The following AMPH variants were observed in gnomAD, a reference collection of about 807,000 sequenced individuals.
The protein encoded by AMPH is amphiphysin, also known as amphiphysin (Stiff-Mann syndrome with breast cancer 128kD autoantigen).
In AMPH, 49 loss-of-function variants were observed where a neutral mutation model predicts 99.1. That is an observed-to-expected ratio of 0.49 (90% CI 0.39 to 0.63). AMPH has a LOEUF of 0.63. AMPH is among the 20% of genes least tolerant of loss of function. The pLI, the probability that AMPH is intolerant of heterozygous loss-of-function variation, is 0.00. For synonymous variants in AMPH, 314 were observed against 317.3 expected, an observed-to-expected ratio of 0.99 and a Z score of 0.11; for missense variants, 759 against 863.4, an observed-to-expected ratio of 0.88 and a Z score of 1.52.
chr7:38,393,908 T>A, intron 18 of AMPH, 97 bp downstream of exon 18: 1 of 1,165,346 alleles, frequency 8.6e-7, no homozygotes. Flanking sequence ...ACAAACCTAT[T>A]ATACATCCAA....
At chr7:38,428,902 T>C (rs1408299215) in intron 14 of AMPH, 1 of 816,774 alleles carries the variant, frequency 1.2e-6, no homozygotes, top group Admixed American at 2.3e-5. Flanking sequence ...AGATCTTTTC[T>C]AGTTTCCACT....
intron 5 of AMPH, among the ~76,000 whole-genome samples, chr7:38,488,574 A>G (rs1205705569): frequency 1.3e-5 from 2 of 152,100 alleles, no homozygotes; most frequent in African/African-American, 4.8e-5. Flanking sequence ...AATGCAGATG[A>G]TGCGTTGATG....
Position 38,384,672 on chromosome 7 carries a change from A to T in AMPH, c.*146T>A. The T allele has an allele frequency of 1.5e-6, 1 of 646,870 alleles. No homozygotes were observed. The highest frequency in any genetic ancestry group is 2.7e-6 in the Non-Finnish European group (1 of 373,206). 40.1% of individuals were successfully genotyped at this position (646,870 alleles called of 1,614,324 possible). A position where few individuals can be genotyped will look rare whatever the true frequency, so the allele number is the denominator to read the frequency against. On this transcript the variant is annotated 3_prime_UTR_variant, in exon 21 of 21. Transcript: ENST00000356264. ...TTTTTCCTCTTACATTTTTTTGCAC[A>T]CATGCTCCATTGATACATCTTCCCA...
chr7:38,593,926 A>G (rs1387436187), intron 1 of AMPH, among the ~76,000 whole-genome samples: 2 of 152,182 alleles, frequency 1.3e-5, no homozygotes, highest in African/African-American at 4.8e-5. Flanking sequence ...CAAAGAGGGA[A>G]CAAGCAGCTA....
At chr7:38,406,650 C>T (rs879464147) in intron 17 of AMPH, among the ~76,000 whole-genome samples, 24 of 150,984 alleles carry the variant, frequency 1.6e-4, no homozygotes, top group African/African-American at 5.6e-4. Context: ...CAGCTGCCAG[C>T]ATGGCTGGAA....
At chr7:38,541,017 T>TAAAAAA in intron 1 of AMPH, among the ~76,000 whole-genome samples, 1 of 97,694 alleles carries the variant, frequency 1.0e-5, no homozygotes. Flanking sequence ...TTTCTGTTCT[T>TAAAAAA]AAAAAAAAAA....
chr7:38,462,212 G>A lies in AMPH; in HGVS notation c.888+763C>T, dbSNP rs554244914. Among the ~76,000 whole-genome samples the A allele has an allele frequency of 1.5e-4, 23 of 152,268 alleles. No individual in the cohort carries two copies. The South Asian group carries it at 2.3e-3, about 15-fold the overall frequency. ...GTCTAACTGTAGGCTAATGTTAAGC[G>A]TTCTCGGCGCGTTTAAGGTAGGCTG... On this transcript the variant is annotated intron_variant, in intron 10 of 20. Transcript: ENST00000356264.
chr7:38,538,453 G>A (rs1406142850), intron 1 of AMPH, among the ~76,000 whole-genome samples: 1 of 152,210 alleles, frequency 6.6e-6, no homozygotes, highest in East Asian at 1.9e-4. Flanking sequence ...AGTGGACAAG[G>A]GTGGCATGAT....
intron 17 of AMPH, among the ~76,000 whole-genome samples, chr7:38,410,269 G>C (rs1785175409): frequency 6.6e-6 from 1 of 152,212 alleles, no homozygotes; most frequent in African/African-American, 2.4e-5. Flanking sequence ...ACAGTGATCT[G>C]CAAATCACCT....
intron 2 of AMPH, among the ~76,000 whole-genome samples, chr7:38,516,774 G>T (rs1299823168): frequency 6.6e-6 from 1 of 152,200 alleles, no homozygotes; most frequent in African/African-American, 2.4e-5. Flanking sequence ...GCAGTCTCAG[G>T]AACTGTGCCC....
At chr7:38,587,785 T>G (rs532112829) in intron 1 of AMPH, among the ~76,000 whole-genome samples, 9 of 152,190 alleles carry the variant, frequency 5.9e-5, no homozygotes, top group Admixed American at 1.3e-4. Flanking sequence ...ATAATTGTGC[T>G]GCCAACGGTG....
chr7:38,521,435 C>T (rs959871763), intron 2 of AMPH, among the ~76,000 whole-genome samples: 6 of 152,090 alleles, frequency 3.9e-5, no homozygotes, highest in Non-Finnish European at 8.8e-5. Context: ...GCAGGAGAAT[C>T]GCTTGAACCC....
At position 38,461,557 on chromosome 7, in the gene AMPH, G is replaced by C. The variant is rs1193169717; in HGVS notation, c.889-146C>G. The stretch of plus-strand genomic sequence containing the variant: ...ATAGCAGCAAGCCTATCTGATACAG[G>C]TAAAGAATGCTGTCTACTTGTGAGG... On this transcript the variant is annotated intron_variant, in intron 10 of 20. Transcript: ENST00000356264. The C allele has an allele frequency of 3.1e-6, 3 of 979,810 alleles. No homozygotes were observed. The East Asian group carries it at 7.9e-5, about 26-fold the overall frequency. 60.7% of individuals were successfully genotyped at this position (979,810 alleles called of 1,614,324 possible).
At chr7:38,524,433 T>C (rs1246747681) in intron 2 of AMPH, among the ~76,000 whole-genome samples, 4 of 152,240 alleles carry the variant, frequency 2.6e-5, no homozygotes, top group Non-Finnish European at 4.4e-5. Context: ...TTCATCCCCT[T>C]CACAGAGTCT....
At chr7:38,405,151 C>T (rs1380708338) in intron 17 of AMPH, among the ~76,000 whole-genome samples, 1 of 152,072 alleles carries the variant, frequency 6.6e-6, no homozygotes, top group Non-Finnish European at 1.5e-5. Flanking sequence ...CTTTCCCAGA[C>T]AAACAAATGT....
At chr7:38,501,570 C>A (rs1197508014) in intron 3 of AMPH, among the ~76,000 whole-genome samples, 1 of 152,044 alleles carries the variant, frequency 6.6e-6, no homozygotes, top group Non-Finnish European at 1.5e-5. Context: ...AATGATATGC[C>A]TGGACTATAA....
chr7:38,597,964 C>T (rs1793116710), intron 1 of AMPH, among the ~76,000 whole-genome samples: 1 of 152,150 alleles, frequency 6.6e-6, no homozygotes, highest in Non-Finnish European at 1.5e-5. Context: ...ATTTTATCTT[C>T]CTCACATTAG....
chr7:38,604,338 G>T (rs1793356506), intron 1 of AMPH, among the ~76,000 whole-genome samples: 3 of 152,332 alleles, frequency 2.0e-5, no homozygotes, highest in Admixed American at 1.3e-4. Context: ...TGCAACAAGA[G>T]CAAAGGACAA....
intron 9 of AMPH, among the ~76,000 whole-genome samples, 161 bp downstream of exon 9, chr7:38,465,306 A>C (rs1357049838): frequency 6.6e-6 from 1 of 152,200 alleles, no homozygotes. Context: ...AAGGCCAGAC[A>C]TAAATGTAAA....
Sources: gnomAD v4.1 joint callset for allele counts (sites outside exome capture counted in the v4.1 genomes callset) on GRCh38, gnomAD v4.1.1 for gene constraint, MANE v1.5 for transcripts, NCBI Gene and HGNC (gene_info 2026-07-23, HGNC 2026-07-21) for gene names.